B3GALT1: variants seen among roughly 807,000 people sequenced by gnomAD.
B3GALT1 encodes the protein UDP-Gal:betaGlcNAc beta 1,3-galactosyltransferase, polypeptide 1.
Under a neutral mutation model 23.2 loss-of-function variants are expected in B3GALT1, and 10 were observed. That is an observed-to-expected ratio of 0.43 (90% CI 0.27 to 0.73). The LOEUF (loss-of-function observed/expected upper bound fraction) is 0.73, where lower values mean the gene tolerates loss of function less well. Ranked by LOEUF, B3GALT1 falls within the 30% of genes least tolerant of loss-of-function variation. B3GALT1 has a pLI of 0.21. For missense variants in B3GALT1, 299 were observed against 405.4 expected (o/e 0.74, Z 2.25); for synonymous variants, 156 against 141.5 (o/e 1.10, Z -0.73).
intron 2 of B3GALT1, among the ~76,000 whole-genome samples, chr2:167,532,292 T>C (rs1463227709): frequency 6.6e-6 from 1 of 152,188 alleles, no homozygotes; most frequent in Non-Finnish European, 1.5e-5. Flanking sequence ...TTTAACTTAT[T>C]ACTGTAGCAT....
intron 3 of B3GALT1, among the ~76,000 whole-genome samples, chr2:167,766,318 A>T (rs1687975348): frequency 6.6e-6 from 1 of 152,216 alleles, no homozygotes; most frequent in Non-Finnish European, 1.5e-5. Context: ...AATTGCGACA[A>T]AACTCAAAGA....
chr2:167,627,209 T>G (rs1685362566), intron 2 of B3GALT1, among the ~76,000 whole-genome samples: 1 of 151,664 alleles, frequency 6.6e-6, no homozygotes, highest in Admixed American at 6.6e-5. Context: ...TAAAATATAT[T>G]GTCCTGTGAA....
At chr2:167,669,185 T>C (rs1420387272) in intron 3 of B3GALT1, among the ~76,000 whole-genome samples, 1 of 152,236 alleles carries the variant, frequency 6.6e-6, no homozygotes, top group African/African-American at 2.4e-5. Context: ...ACTGTTTTTT[T>C]CTCCTCTTAT....
chr2:167,815,898 T>C (rs1688984452), intron 3 of B3GALT1, among the ~76,000 whole-genome samples: 1 of 152,140 alleles, frequency 6.6e-6, no homozygotes, highest in East Asian at 1.9e-4. Flanking sequence ...CAAGGAGAAA[T>C]AGCAATAATG....
intron 2 of B3GALT1, among the ~76,000 whole-genome samples, chr2:167,566,111 A>G (rs529449899): frequency 6.6e-6 from 1 of 152,220 alleles, no homozygotes; most frequent in Admixed American, 6.5e-5. Context: ...CAAATGTTCA[A>G]CAATGATAGA....
chr2:167,734,668 A>G (rs1017885704), intron 3 of B3GALT1, among the ~76,000 whole-genome samples: 1 of 152,068 alleles, frequency 6.6e-6, no homozygotes, highest in Non-Finnish European at 1.5e-5. Flanking sequence ...AGAATAAATT[A>G]TGAAAGTTTC....
intron 1 of B3GALT1, among the ~76,000 whole-genome samples, chr2:167,374,821 T>G (rs1020790274): frequency 1.3e-5 from 2 of 152,224 alleles, no homozygotes; most frequent in Admixed American, 6.5e-5. Flanking sequence ...TAGTTTCTTT[T>G]GCTGTGTAGG....
chr2:167,707,787 T>C (rs1456375707), intron 3 of B3GALT1, among the ~76,000 whole-genome samples: 2 of 152,230 alleles, frequency 1.3e-5, no homozygotes, highest in Admixed American at 6.5e-5. Flanking sequence ...GGGATTAGCA[T>C]GTGGGCCTCT....
chr2:167,791,792 TAC>T, intron 3 of B3GALT1, among the ~76,000 whole-genome samples: 1 of 152,292 alleles, frequency 6.6e-6, no homozygotes, highest in East Asian at 1.9e-4. Flanking sequence ...GGATGAAAAT[TAC>T]ATTGTTTTGA....
chr2:167,396,457 A>AT (rs200504010), intron 1 of B3GALT1, among the ~76,000 whole-genome samples: 1,769 of 151,358 alleles, frequency 0.012, 42 homozygotes, highest in African/African-American at 0.041. Context: ...CAAAAAAGTA[A>AT]TTTTTTTAGA....
chr2:167,577,126 T>G (rs1684401201), intron 2 of B3GALT1, among the ~76,000 whole-genome samples: 1 of 151,852 alleles, frequency 6.6e-6, no homozygotes, highest in Non-Finnish European at 1.5e-5. Context: ...TTGGTGAAAC[T>G]GATGGCTTTT....
chr2:167,614,907 A>G (rs986702300), intron 2 of B3GALT1, among the ~76,000 whole-genome samples: 2 of 151,986 alleles, frequency 1.3e-5, no homozygotes, highest in Non-Finnish European at 2.9e-5. Flanking sequence ...ATAGATAGAT[A>G]TATTTACTCA....
intron 1 of B3GALT1, among the ~76,000 whole-genome samples, chr2:167,314,176 A>T (rs1300151592): frequency 6.6e-6 from 1 of 152,094 alleles, no homozygotes; most frequent in African/African-American, 2.4e-5. Context: ...AGGTTTCCAG[A>T]CTTAAAATGT....
intron 1 of B3GALT1, among the ~76,000 whole-genome samples, chr2:167,410,281 AT>A (rs1461297867): frequency 6.6e-6 from 1 of 151,978 alleles, no homozygotes; most frequent in Admixed American, 6.6e-5. Flanking sequence ...AGGTGAGTGG[AT>A]CACGAGGTCA....
At chr2:167,452,890 C>A (rs1292541025) in intron 1 of B3GALT1, among the ~76,000 whole-genome samples, 2 of 152,154 alleles carry the variant, frequency 1.3e-5, no homozygotes, top group Non-Finnish European at 2.9e-5. Flanking sequence ...TGTAGAGTGT[C>A]ATTGCTTAAG....
intron 3 of B3GALT1, among the ~76,000 whole-genome samples, chr2:167,767,121 C>A (rs922914401): frequency 1.3e-5 from 2 of 152,156 alleles, no homozygotes; most frequent in African/African-American, 4.8e-5. Context: ...CTGGGTACAA[C>A]AGTTTTGACA....
intron 1 of B3GALT1, among the ~76,000 whole-genome samples, chr2:167,361,011 G>A (rs1178754707): frequency 6.6e-6 from 1 of 151,974 alleles, no homozygotes; most frequent in African/African-American, 2.4e-5. Context: ...CTAGTTCCAA[G>A]CATATTGCTG....
At chr2:167,841,156 C>T (rs1469526617) in intron 4 of B3GALT1, among the ~76,000 whole-genome samples, 1 of 150,618 alleles carries the variant, frequency 6.6e-6, no homozygotes, top group African/African-American at 2.5e-5. Flanking sequence ...GCACATGTAC[C>T]CTAAAACTTA....
intron 3 of B3GALT1, among the ~76,000 whole-genome samples, chr2:167,651,247 T>G (rs1360535213): frequency 2.0e-4 from 2 of 9,776 alleles, no homozygotes; most frequent in African/African-American, 2.3e-4. Flanking sequence ...TGTGTGTGTG[T>G]GTGTGTGTGT....
Sources: allele counts gnomAD v4.1 joint callset (sites outside exome capture counted in the v4.1 genomes callset), GRCh38; gene constraint gnomAD v4.1.1; transcripts MANE v1.5; gene names NCBI Gene and HGNC (gene_info 2026-07-23, HGNC 2026-07-21).